The following GAB1 variants were observed in gnomAD, a reference collection of about 807,000 sequenced individuals.
The protein encoded by GAB1 is GRB2-associated-binding protein 1.
GAB1 carries 19 observed loss-of-function variants against 66.5 expected under a neutral mutation model. That is an observed-to-expected ratio of 0.29 (90% CI 0.20 to 0.42). GAB1 has a LOEUF of 0.42. Ranked by LOEUF, GAB1 falls within the 10% of genes least tolerant of loss-of-function variation. The pLI is 1.00. For missense variants in GAB1, 732 were observed against 858.5 expected (o/e 0.85, Z 1.84); for synonymous variants, 294 against 301.4 (o/e 0.98, Z 0.25).
At chr4:143,459,153 A>G (rs558695200) in intron 6 of GAB1, among the ~76,000 whole-genome samples, 11 of 152,116 alleles carry the variant, frequency 7.2e-5, no homozygotes, top group Admixed American at 2.6e-4. Context: ...ATAGAGGTTT[A>G]GGCTTTGAGG....
Position 143,469,306 on chromosome 4 carries a change from T to G in GAB1, c.*117T>G. ...GATCCTCAAATGAGTAGAGTTGAAG[T>G]CAAAGGACCTTTCTGACATAATCAA... On this transcript the variant is annotated 3_prime_UTR_variant, in exon 10 of 10. Transcript: ENST00000262994. The G allele has an allele frequency of 9.5e-7, 1 of 1,052,570 alleles. No individual in the cohort carries two copies. Among genetic ancestry groups the G allele is most frequent in the Non-Finnish European group, 1.4e-6 (1 of 739,728 alleles). 65.2% of individuals were successfully genotyped at this position (1,052,570 alleles called of 1,614,324 possible). A position where few individuals can be genotyped will look rare whatever the true frequency, so the allele number is the denominator to read the frequency against.
At chr4:143,425,427 C>A in intron 2 of GAB1, 1 of 759,320 alleles carries the variant, frequency 1.3e-6, no homozygotes, top group Non-Finnish European at 2.4e-6. Flanking sequence ...GACCCCAGGG[C>A]TGAAGACCAG....
At chr4:143,379,429 T>C (rs1474543785) in intron 1 of GAB1, among the ~76,000 whole-genome samples, 1 of 152,192 alleles carries the variant, frequency 6.6e-6, no homozygotes, top group Non-Finnish European at 1.5e-5. Flanking sequence ...GGTTTTGCGA[T>C]GCTCTGTTCT....
chr4:143,401,936 G>A (rs1731796828), intron 1 of GAB1, among the ~76,000 whole-genome samples: 1 of 152,006 alleles, frequency 6.6e-6, no homozygotes, highest in Non-Finnish European at 1.5e-5. Context: ...TTTTTTTCTG[G>A]AGAACACTTT....
chr4:143,428,107 T>C (rs1314038941), intron 2 of GAB1, among the ~76,000 whole-genome samples: 7 of 152,222 alleles, frequency 4.6e-5, no homozygotes, highest in Non-Finnish European at 8.8e-5. Flanking sequence ...ATTTATGCCA[T>C]GGATATTGGT....
intron 1 of GAB1, among the ~76,000 whole-genome samples, chr4:143,368,176 G>T (rs1313043987): frequency 1.3e-5 from 2 of 149,206 alleles, no homozygotes; most frequent in African/African-American, 2.5e-5. Flanking sequence ...CCTGTTTTTT[G>T]AGGAAAAAAA....
intron 1 of GAB1, among the ~76,000 whole-genome samples, chr4:143,366,829 T>TTC (rs1729901741): frequency 2.6e-5 from 4 of 152,080 alleles, no homozygotes; most frequent in Admixed American, 2.6e-4. Flanking sequence ...ATTCAATTTT[T>TTC]GAATTGAAAA....
chr4:143,409,776 T>C (rs1051490516), intron 1 of GAB1, among the ~76,000 whole-genome samples: 3 of 152,080 alleles, frequency 2.0e-5, no homozygotes, highest in Non-Finnish European at 2.9e-5. Flanking sequence ...TGAACAAAAA[T>C]AGGAAGATAG....
intron 1 of GAB1, among the ~76,000 whole-genome samples, chr4:143,365,885 T>C (rs1308321740): frequency 1.3e-5 from 2 of 152,338 alleles, no homozygotes; most frequent in Non-Finnish European, 2.9e-5. Flanking sequence ...AGGCTTTTAT[T>C]CATTACTAAT....
Position 143,438,246 on chromosome 4 carries a change from G to C in GAB1, c.841G>C (p.Asp281His). Residue 281 changes from aspartate (D) to histidine (H), a missense_variant, in exon 4 of 10, where the codon GAT becomes CAT. By Grantham distance (81) the Asp-to-His change is moderately conservative (BLOSUM62 -1). Transcript: ENST00000262994. Reference sequence around the variant, plus strand: ...GGTGTCTCCATCAAGTACTGAAGCAGATGGAGAACTCTATGTTTTTAATAC... The same window carrying C: ...GGTGTCTCCATCAAGTACTGAAGCACATGGAGAACTCTATGTTTTTAATAC... ...PKVSPSSTEA[D>H]GELYVFNTPS... is the part of the protein sequence containing the mutation. The C allele has an allele frequency of 6.2e-7, 1 of 1,614,142 alleles. No individual in the cohort carries two copies. Among genetic ancestry groups the C allele is most frequent in the South Asian group, 1.1e-5 (1 of 91,082 alleles).
intron 6 of GAB1, among the ~76,000 whole-genome samples, chr4:143,445,227 C>T (rs1420643957): frequency 2.0e-5 from 3 of 152,146 alleles, no homozygotes; most frequent in Non-Finnish European, 4.4e-5. Flanking sequence ...ATAAGCATTC[C>T]CTTTTCTTCA....
intron 9 of GAB1, among the ~76,000 whole-genome samples, chr4:143,467,888 A>C (rs1264176876): frequency 1.3e-5 from 2 of 152,106 alleles, no homozygotes; most frequent in Admixed American, 1.3e-4. Context: ...CACTCCCTCT[A>C]CTTCTCTTAT....
chr4:143,384,478 T>A (rs946379114), intron 1 of GAB1, among the ~76,000 whole-genome samples: 9 of 152,230 alleles, frequency 5.9e-5, no homozygotes, highest in African/African-American at 2.2e-4. Flanking sequence ...CAGGGTGAAC[T>A]TGACTTTCCT....
chr4:143,359,221 A>G (rs1295309524), intron 1 of GAB1, among the ~76,000 whole-genome samples: 1 of 152,150 alleles, frequency 6.6e-6, no homozygotes, highest in African/African-American at 2.4e-5. Flanking sequence ...ATAAATGTGA[A>G]ACTATAGTAA....
intron 1 of GAB1, among the ~76,000 whole-genome samples, chr4:143,394,293 A>T (rs1018186243): frequency 7.9e-5 from 12 of 151,984 alleles, no homozygotes; most frequent in African/African-American, 2.9e-4. Flanking sequence ...AAAACAAAAA[A>T]AAGGTAGTCA....
intron 3 of GAB1, 93 bp downstream of exon 3, chr4:143,433,809 T>C: frequency 1.9e-6 from 2 of 1,029,378 alleles, no homozygotes; most frequent in South Asian, 2.9e-5. Flanking sequence ...TAAATTTCGA[T>C]TTGCAGGCTT....
At chr4:143,466,544 C>T (rs1199458431) in intron 9 of GAB1, among the ~76,000 whole-genome samples, 5 of 123,052 alleles carry the variant, frequency 4.1e-5, no homozygotes, top group African/African-American at 1.3e-4. Context: ...GGCTGGAGTG[C>T]AGTAGTGTGA....
intron 1 of GAB1, among the ~76,000 whole-genome samples, chr4:143,350,902 C>T (rs1729183023): frequency 6.6e-6 from 1 of 151,980 alleles, no homozygotes; most frequent in Admixed American, 6.6e-5. Flanking sequence ...GTGATTTGTC[C>T]CCTCCACGGG....
Position 143,470,408 on chromosome 4 carries a change from ATTC to A in GAB1, c.*1220_*1222del, listed in dbSNP as rs1560794393. On this transcript the variant is annotated 3_prime_UTR_variant, in exon 10 of 10. Transcript: ENST00000262994. ...ACTGTGATTTATATTCACTGCCCCAATTCAAGAAATATTGGAGCCTTGCTACAA... is the reference window on the plus strand; with the variant it reads ...ACTGTGATTTATATTCACTGCCCCAAAAGAAATATTGGAGCCTTGCTACAA... The A allele has an allele frequency of 6.6e-6, 1 of 152,166 alleles. No individual in the cohort carries two copies. The highest frequency in any genetic ancestry group is 1.5e-5 in the Non-Finnish European group (1 of 68,030). The allele number at this position is 152,166 out of a possible 1,614,324, so 9.4% of individuals were successfully genotyped here.
Sources: allele counts gnomAD v4.1 joint callset (sites outside exome capture counted in the v4.1 genomes callset), GRCh38; gene constraint gnomAD v4.1.1; transcripts MANE v1.5; gene names NCBI Gene and HGNC (gene_info 2026-07-23, HGNC 2026-07-21).